RTN3: variants seen among roughly 807,000 people sequenced by gnomAD.
RTN3 encodes the protein reticulon 3.
A neutral mutation model predicts 77.8 loss-of-function variants in RTN3; 49 were observed. That is an observed-to-expected ratio of 0.63 (90% CI 0.50 to 0.80). The LOEUF is 0.80. Among genes scored for constraint, RTN3 ranks in the 30% least tolerant of loss-of-function variants. The pLI is 0.00. For synonymous variants in RTN3, 464 were observed against 446.9 expected (o/e 1.04, Z -0.48); for missense variants, 1,236 against 1,211.9 (o/e 1.02, Z -0.29).
chr11:63,726,043 G>A (rs564972761), intron 3 of RTN3, among the ~76,000 whole-genome samples: 1 of 152,184 alleles, frequency 6.6e-6, no homozygotes. Context: ...ATGCTAGAAA[G>A]ATTCCATAAA....
At chr11:63,754,497 G>A (rs1301546580) in intron 7 of RTN3, among the ~76,000 whole-genome samples, 11 of 152,224 alleles carry the variant, frequency 7.2e-5, no homozygotes, top group South Asian at 4.1e-4. Flanking sequence ...TCAGGAGATC[G>A]AGACCATCCT....
chr11:63,682,900 A>G (rs1229991190), intron 1 of RTN3, among the ~76,000 whole-genome samples: 1 of 151,886 alleles, frequency 6.6e-6, no homozygotes, highest in Non-Finnish European at 1.5e-5. Context: ...CTTTGAAGGG[A>G]AAAAAAATGC....
intron 1 of RTN3, among the ~76,000 whole-genome samples, chr11:63,704,010 A>AT (rs1188585982): frequency 1.2e-3 from 179 of 146,682 alleles, no homozygotes; most frequent in Non-Finnish European, 1.4e-3. Flanking sequence ...TAATTAATTT[A>AT]TTTTTTTTTT....
chr11:63,689,690 C>T (rs192700400), intron 1 of RTN3, among the ~76,000 whole-genome samples: 1 of 150,846 alleles, frequency 6.6e-6, no homozygotes, highest in Non-Finnish European at 1.5e-5. Context: ...TGTAACCTAA[C>T]CAGAGAAGAC....
chr11:63,693,634 A>G (rs1217698766), intron 1 of RTN3, among the ~76,000 whole-genome samples: 2 of 152,214 alleles, frequency 1.3e-5, no homozygotes, highest in African/African-American at 4.8e-5. Flanking sequence ...TAAGACCTCT[A>G]TGGAAATGGA....
At chr11:63,722,945 A>G (rs922755536) in intron 3 of RTN3, among the ~76,000 whole-genome samples, 1 of 152,222 alleles carries the variant, frequency 6.6e-6, no homozygotes, top group Non-Finnish European at 1.5e-5. Flanking sequence ...GAATTATGCT[A>G]CAAGAACTCC....
Position 63,719,841 on chromosome 11 carries a change from C to T in RTN3, c.1339C>T (p.Leu447Phe), listed in dbSNP as rs2011627334. 1.1e-5 allele frequency: 17 copies of T among 1,614,170 alleles called. No homozygotes were observed. The highest frequency in any genetic ancestry group is 1.4e-5 in the Non-Finnish European group (17 of 1,180,026). ...QGNMQKQDDTLAELPGSPPEK... is the reference protein window; with the variant it reads ...QGNMQKQDDTFAELPGSPPEK... ...CAATATGCAGAAACAGGATGACACACTTGCAGAATTACCTGGATCTCCACC... is the reference window on the plus strand; with the variant it reads ...CAATATGCAGAAACAGGATGACACATTTGCAGAATTACCTGGATCTCCACC... Residue 447 changes from leucine to phenylalanine, a missense_variant, in exon 3 of 9, where the codon CTT becomes TTT. Physicochemically the swap from Leu to Phe is conservative, Grantham distance 22 (BLOSUM62 0). Coordinates refer to ENST00000377819, the MANE Select transcript of RTN3 (RefSeq NM_001265589.2).
In RTN3 at chr11:63,720,959, T is replaced by A; in HGVS notation, c.2457T>A (p.Asp819Glu). 6.2e-7 allele frequency: 1 copy of A among 1,614,040 alleles called. No homozygotes were observed. The highest frequency in any genetic ancestry group is 8.5e-7 in the Non-Finnish European group (1 of 1,179,940). ...CTATCAGAGAAACTACTAGGGTAGA[T>A]GCTGTTTCCAGCCTTAGCAAGACTG... ...PITIRETTRV[D>E]AVSSLSKTEL... The change falls in exon 3 of 9, where the codon GAT (aspartate) becomes GAA (glutamate). Residue 819 changes from aspartate to glutamate, a missense_variant. Transcript: ENST00000377819.
intron 1 of RTN3, among the ~76,000 whole-genome samples, chr11:63,695,902 T>G (rs984472677): frequency 1.3e-5 from 2 of 152,102 alleles, no homozygotes; most frequent in African/African-American, 4.8e-5. Flanking sequence ...GAGTGAGACC[T>G]TACTTCTCTA....
intron 2 of RTN3, among the ~76,000 whole-genome samples, chr11:63,715,492 A>G (rs922827847): frequency 1.3e-5 from 2 of 152,100 alleles, no homozygotes; most frequent in African/African-American, 4.8e-5. Context: ...CCAGCTCTCT[A>G]CTAAAAATAC....
chr11:63,741,196 TA>T (rs1278105402), intron 3 of RTN3, among the ~76,000 whole-genome samples: 41 of 146,526 alleles, frequency 2.8e-4, no homozygotes, highest in Non-Finnish European at 2.7e-4. Flanking sequence ...GTTATTTATT[TA>T]TTTATTTATT....
chr11:63,736,776 G>C (rs1037431871), intron 3 of RTN3, among the ~76,000 whole-genome samples: 4 of 152,160 alleles, frequency 2.6e-5, no homozygotes, highest in Admixed American at 6.6e-5. Flanking sequence ...GGCTTCCATG[G>C]ATTTTTATAT....
chr11:63,744,912 A>C (rs943281584), intron 3 of RTN3, among the ~76,000 whole-genome samples: 2 of 152,218 alleles, frequency 1.3e-5, no homozygotes, highest in East Asian at 3.8e-4. Flanking sequence ...GGATGGCTTG[A>C]GCCCAGGAGG....
chr11:63,724,411 C>T (rs895423646), intron 3 of RTN3, among the ~76,000 whole-genome samples: 9 of 148,568 alleles, frequency 6.1e-5, no homozygotes, highest in African/African-American at 2.2e-4. Flanking sequence ...CCTCAATCTC[C>T]TGACCTGGTG....
chr11:63,721,588 A>G (rs1044712672), intron 3 of RTN3, among the ~76,000 whole-genome samples: 10 of 151,992 alleles, frequency 6.6e-5, no homozygotes, highest in East Asian at 1.9e-4. Context: ...AAAAAAAAAA[A>G]AAAGAAAATT....
chr11:63,735,550 TTCTCTC>T (rs71468640), intron 3 of RTN3, among the ~76,000 whole-genome samples: 1,138 of 42,714 alleles, frequency 0.027, 21 homozygotes, highest in East Asian at 0.15. Context: ...ATTCTAACAT[TTCTCTC>T]TCTCTCTCTC....
chr11:63,719,796 A>G lies in RTN3; in HGVS notation c.1294A>G (p.Ser432Gly), dbSNP rs967178191. 20 of 1,614,088 alleles carry G rather than the reference A, an allele frequency of 1.2e-5. No homozygotes were observed. The South Asian group carries it at 1.8e-4, about 14-fold the overall frequency. ...PDSLNSTKEFSIKGVQGNMQK... is the reference protein window; with the variant it reads ...PDSLNSTKEFGIKGVQGNMQK... ...CTCTTTGAATTCCACAAAAGAATTC[A>G]GTATCAAAGGTGTGCAAGGCAATAT... The change falls in exon 3 of 9, where the codon AGT becomes GGT. Residue 432 changes from serine (S) to glycine (G), a missense_variant. This residue lies in a region of RTN3 where 1,056 missense variants were observed against 990.4 expected (regional missense o/e 1.07). Transcript: ENST00000377819.
At chr11:63,714,982 G>A (rs2011310875) in intron 2 of RTN3, among the ~76,000 whole-genome samples, 1 of 152,170 alleles carries the variant, frequency 6.6e-6, no homozygotes, top group Non-Finnish European at 1.5e-5. Context: ...GAAAAGCAAA[G>A]CTTGATAAAC....
chr11:63,736,072 G>T (rs2013099425), intron 3 of RTN3, among the ~76,000 whole-genome samples: 1 of 152,114 alleles, frequency 6.6e-6, no homozygotes, highest in Admixed American at 6.6e-5. Context: ...TCCTGCTCAG[G>T]GCCTCACTGG....
Sources: gnomAD v4.1 joint callset for allele counts (sites outside exome capture counted in the v4.1 genomes callset) on GRCh38, gnomAD v4.1.1 for gene constraint, gnomAD v4.1.1 regional missense constraint, MANE v1.5 for transcripts, NCBI Gene and HGNC (gene_info 2026-07-23, HGNC 2026-07-21) for gene names.